Variants in ZDHHC15 observed in about 807,000 individuals in gnomAD.
The protein encoded by ZDHHC15 is zDHHC palmitoyltransferase 15.
Under a neutral mutation model 31.7 loss-of-function variants are expected in ZDHHC15, and 19 were observed. That is an observed-to-expected ratio of 0.60 (90% CI 0.42 to 0.88). The LOEUF is 0.88. Among genes scored for constraint, ZDHHC15 ranks in the 40% least tolerant of loss-of-function variants. The probability of loss-of-function intolerance (pLI) is 0.00; values close to 1 mark genes in which losing one functional copy is unlikely to be tolerated. For synonymous variants in ZDHHC15, 103 were observed against 90.0 expected, an observed-to-expected ratio of 1.14 and a Z score of -0.82; for missense variants, 209 against 251.2, an observed-to-expected ratio of 0.83 and a Z score of 1.14.
intron 1 of ZDHHC15, among the ~76,000 whole-genome samples, chrX:75,514,612 G>A (rs977393705): frequency 1.7e-4 from 19 of 111,995 alleles, no homozygotes; most frequent in Non-Finnish European, 3.2e-4. Flanking sequence ...GGAAGCACAA[G>A]GGGTCTGGCA....
chrX:75,442,549 G>A (rs1158487565), intron 4 of ZDHHC15, among the ~76,000 whole-genome samples: 2 of 111,772 alleles, frequency 1.8e-5, no homozygotes, highest in Admixed American at 9.5e-5. Flanking sequence ...CCCATTCACA[G>A]TTGCTTCAAA....
At chrX:75,497,553 G>A (rs935094450) in intron 2 of ZDHHC15, among the ~76,000 whole-genome samples, 53 of 111,190 alleles carry the variant, frequency 4.8e-4, no homozygotes, top group Admixed American at 4.4e-3. Context: ...CAATATCCCT[G>A]ATGAATAGAG....
intron 4 of ZDHHC15, among the ~76,000 whole-genome samples, chrX:75,440,343 G>A (rs772967180): frequency 1.9e-4 from 21 of 110,569 alleles, no homozygotes; most frequent in African/African-American, 4.6e-4. Flanking sequence ...GCAGTGGCAC[G>A]ATCTCGGCTC....
intron 3 of ZDHHC15, among the ~76,000 whole-genome samples, chrX:75,471,912 G>A (rs2084508879): frequency 9.0e-6 from 1 of 111,684 alleles, no homozygotes; most frequent in African/African-American, 3.3e-5. Flanking sequence ...CTCTCCTTTT[G>A]AGAGACAGCT....
intron 10 of ZDHHC15, among the ~76,000 whole-genome samples, chrX:75,402,962 T>G (rs1887001674): frequency 9.0e-6 from 1 of 111,701 alleles, no homozygotes; most frequent in South Asian, 3.8e-4. Flanking sequence ...CCTATATCCT[T>G]GATGAAAATT....
chrX:75,379,092 C>A, intron 11 of ZDHHC15, 28 bp downstream of exon 11: 1 of 1,158,290 alleles, frequency 8.6e-7, no homozygotes, highest in Non-Finnish European at 1.2e-6. Context: ...CCAGGTGCCA[C>A]TGTATGTGTC....
chrX:75,440,281 C>CT (rs1556011270), intron 4 of ZDHHC15, among the ~76,000 whole-genome samples: 59 of 108,040 alleles, frequency 5.5e-4, no homozygotes, highest in African/African-American at 2.0e-3. Flanking sequence ...TTTTCTTTTC[C>CT]TTTTTTTTTT....
rs1410034539 is a variant in ZDHHC15 at position 75,371,287 on chromosome X, TAAG to T, written c.*1688_*1690del. 6.0e-4 allele frequency: 67 copies of T among 111,862 alleles called. No homozygotes were observed. Among genetic ancestry groups the T allele is most frequent in the African/African-American group, 2.2e-3 (67 of 30,810 alleles). 9.2% of individuals were successfully genotyped at this position (111,862 alleles called of 1,213,427 possible). ...GGAAATTTTTTTCCATCTGAATATA[TAAG>T]AAGATTTCATCTTGAAACCCAGTGT... On this transcript the variant is annotated 3_prime_UTR_variant, in exon 12 of 12. Transcript: ENST00000373367.
intron 1 of ZDHHC15, among the ~76,000 whole-genome samples, chrX:75,508,035 C>A (rs913100109): frequency 4.9e-4 from 54 of 110,777 alleles, no homozygotes; most frequent in African/African-American, 1.7e-3. Flanking sequence ...TAATGTGAGC[C>A]AGGTAGTTTA....
chrX:75,518,961 T>G, intron 1 of ZDHHC15, among the ~76,000 whole-genome samples: 1 of 107,647 alleles, frequency 9.3e-6, no homozygotes. Flanking sequence ...AGAACACATA[T>G]TTTATGATTC....
chrX:75,419,372 G>C (rs190307312), intron 9 of ZDHHC15, among the ~76,000 whole-genome samples: 198 of 112,276 alleles, frequency 1.8e-3, no homozygotes, highest in African/African-American at 6.1e-3. Flanking sequence ...CTGGCCATCA[G>C]AGAAATGCAA....
intron 3 of ZDHHC15, among the ~76,000 whole-genome samples, chrX:75,474,444 T>TACAC (rs1212816112): frequency 2.3e-5 from 1 of 42,656 alleles, no homozygotes; most frequent in East Asian, 3.7e-3. Flanking sequence ...TATATATATA[T>TACAC]ATATACACAC....
rs191021083 is a variant in ZDHHC15 at position 75,405,374 on chromosome X, C to T, written c.967+11713G>A. Reference sequence around the variant, plus strand: ...GAAACCTTCACGTGTACCACCAAACCTAAAATAAAAAATAAAAAATAAGAA... The same window carrying T: ...GAAACCTTCACGTGTACCACCAAACTTAAAATAAAAAATAAAAAATAAGAA... On this transcript the variant is annotated intron_variant, in intron 10 of 11. Coordinates refer to ENST00000373367, the MANE Select transcript of ZDHHC15 (RefSeq NM_144969.3). Among the ~76,000 whole-genome samples the T allele has an allele frequency of 4.6e-4, 51 of 110,482 alleles. 1 individual carries two copies. In the East Asian group the frequency reaches 0.014, roughly 31 times the overall value.
chrX:75,371,900 G>T lies in ZDHHC15; in HGVS notation c.*1078C>A, dbSNP rs2083008972. The T allele has an allele frequency of 1.8e-5, 2 of 111,919 alleles. No individual in the cohort carries two copies. The highest frequency in any genetic ancestry group is 5.6e-4 in the East Asian group (2 of 3,567). The allele number at this position is 111,919 out of a possible 1,213,427, so 9.2% of individuals were successfully genotyped here. The stretch of plus-strand genomic sequence containing the variant: ...TTAGCTACTACTGAAGCTAAAAAAA[G>T]AAGAAAGAACTGGCATATTACTATT... On this transcript the variant is annotated 3_prime_UTR_variant, in exon 12 of 12. Transcript: ENST00000373367.
intron 10 of ZDHHC15, among the ~76,000 whole-genome samples, chrX:75,393,139 A>G (rs779738449): frequency 6.3e-5 from 7 of 111,115 alleles, no homozygotes; most frequent in Non-Finnish European, 9.4e-5. Context: ...GACTGATTTC[A>G]TCTTGATAGT....
intron 11 of ZDHHC15, among the ~76,000 whole-genome samples, chrX:75,374,343 C>A (rs926470181): frequency 5.5e-5 from 6 of 109,737 alleles, no homozygotes; most frequent in Non-Finnish European, 1.1e-4. Context: ...ATGTATCAAA[C>A]CTGCACGTTC....
intron 1 of ZDHHC15, among the ~76,000 whole-genome samples, chrX:75,517,416 G>A: frequency 9.1e-6 from 1 of 109,866 alleles, no homozygotes; most frequent in South Asian, 4.0e-4. Context: ...CATAAAAAAG[G>A]ATGAGTTCAT....
At chrX:75,423,317 AT>A (rs1052331773) in intron 8 of ZDHHC15, among the ~76,000 whole-genome samples, 2 of 105,690 alleles carry the variant, frequency 1.9e-5, no homozygotes, top group African/African-American at 3.5e-5. Context: ...ACCCGAGTGA[AT>A]TTTTTTTTCT....
intron 7 of ZDHHC15, among the ~76,000 whole-genome samples, chrX:75,425,541 C>A (rs777854416): frequency 8.9e-6 from 1 of 112,223 alleles, no homozygotes; most frequent in African/African-American, 3.2e-5. Flanking sequence ...CTGTAACATG[C>A]GCAGCATGTA....
Sources: allele counts gnomAD v4.1 joint callset (sites outside exome capture counted in the v4.1 genomes callset), GRCh38; gene constraint gnomAD v4.1.1; transcripts MANE v1.5; gene names NCBI Gene and HGNC (gene_info 2026-07-23, HGNC 2026-07-21).